Variants in NUDT6 observed in about 807,000 individuals in gnomAD.
NUDT6 encodes nudix hydrolase 6, also known as FAD diphosphatase NUDT6.
Under a neutral mutation model 36.8 loss-of-function variants are expected in NUDT6, and 24 were observed. The observed-to-expected ratio is 0.65, with a 90% CI of 0.47 to 0.92. The LOEUF (loss-of-function observed/expected upper bound fraction) is 0.92. NUDT6 is among the 40% of genes least tolerant of loss of function. The pLI is 0.00. For synonymous variants in NUDT6, 163 were observed against 157.0 expected (o/e 1.04, Z -0.29); for missense variants, 388 against 392.8 (o/e 0.99, Z 0.10).
chr4:122,902,733 C>T (rs532060053), intron 3 of NUDT6, among the ~76,000 whole-genome samples: 1 of 152,256 alleles, frequency 6.6e-6, no homozygotes, highest in East Asian at 1.9e-4. Flanking sequence ...GTTTAAGTCA[C>T]TGTTAGGTCC....
intron 4 of NUDT6, chr4:122,895,089 G>A (rs1159647421): frequency 1.3e-5 from 2 of 152,170 alleles, no homozygotes; most frequent in African/African-American, 4.8e-5. Context: ...ACTGAAAATT[G>A]AATGGGCAAA....
In NUDT6 at chr4:122,922,477, T is replaced by C; in HGVS notation, c.96A>G (p.Ala32=). 6.2e-7 allele frequency: 1 copy of C among 1,611,566 alleles called. No individual in the cohort carries two copies. Among genetic ancestry groups the C allele is most frequent in the Non-Finnish European group, 8.5e-7 (1 of 1,179,800 alleles). Reference sequence around the variant, plus strand: ...CTGGCGGATTCCGCACGTAACCCTGTGCGCCCGAGGCCCAGCGGTAACCCG... The same window carrying C: ...CTGGCGGATTCCGCACGTAACCCTGCGCGCCCGAGGCCCAGCGGTAACCCG... ...PSAGYRWASG[A]QGYVRNPPVG... is the part of the protein sequence containing the mutation. The change falls in exon 1 of 5, where the codon GCA becomes GCG. Residue 32 remains alanine, a synonymous_variant. Coordinates refer to ENST00000304430, the MANE Select transcript of NUDT6 (RefSeq NM_007083.5).
intron 3 of NUDT6, among the ~76,000 whole-genome samples, chr4:122,901,644 T>A (rs1727525913): frequency 6.6e-6 from 1 of 152,224 alleles, no homozygotes; most frequent in African/African-American, 2.4e-5. Flanking sequence ...TAAGATACTT[T>A]CTCTGTTAAA....
upstream of NUDT6, chr4:122,922,599 C>G (rs1406856600): frequency 1.3e-6 from 2 of 1,554,750 alleles, no homozygotes; most frequent in Admixed American, 1.7e-5. Context: ...TCGTCCGTTG[C>G]CCAAATGACC....
chr4:122,911,684 G>A (rs1453975281), intron 3 of NUDT6, among the ~76,000 whole-genome samples: 1 of 152,148 alleles, frequency 6.6e-6, no homozygotes. Flanking sequence ...ATATGTGGTG[G>A]GGAAAAATGT....
At position 122,917,510 on chromosome 4, in the gene NUDT6, C is replaced by T; in HGVS notation, c.433G>A (p.Gly145Arg). 2 of 1,613,994 alleles carry T rather than the reference C, an allele frequency of 1.2e-6. No homozygotes were observed. The highest frequency in any genetic ancestry group is 8.5e-7 in the Non-Finnish European group (1 of 1,179,894). ...RLPGYASHQV[G>R]VAGAVFDEST... Reference sequence around the variant, plus strand: ...TGAGTTTGAAACTGACCTGCAACTCCTACTTGATGTGAAGCATATCCTGGT... The same window carrying T: ...TGAGTTTGAAACTGACCTGCAACTCTTACTTGATGTGAAGCATATCCTGGT... Residue 145 changes from glycine to arginine, a missense_variant, in exon 2 of 5, where the codon GGA (glycine) becomes AGA (arginine). Coordinates refer to ENST00000304430, the MANE Select transcript of NUDT6 (RefSeq NM_007083.5).
At chr4:122,899,661 C>T (rs1435863261) in intron 3 of NUDT6, among the ~76,000 whole-genome samples, 1 of 152,148 alleles carries the variant, frequency 6.6e-6, no homozygotes, top group South Asian at 2.1e-4. Context: ...ATAACAACAA[C>T]ATTAAAATAC....
chr4:122,905,738 C>T (rs1560769916), intron 3 of NUDT6, among the ~76,000 whole-genome samples: 1 of 152,174 alleles, frequency 6.6e-6, no homozygotes, highest in Non-Finnish European at 1.5e-5. Context: ...TTCCTGGCTT[C>T]CACAGTTTCT....
intron 1 of NUDT6, chr4:122,918,822 T>A (rs1560775268): frequency 6.6e-6 from 1 of 152,230 alleles, no homozygotes; most frequent in Non-Finnish European, 1.5e-5. Context: ...TCTGATGACA[T>A]CTTTTAAAAA....
At chr4:122,901,242 T>C (rs760552688) in intron 3 of NUDT6, among the ~76,000 whole-genome samples, 2 of 151,684 alleles carry the variant, frequency 1.3e-5, no homozygotes, top group Non-Finnish European at 2.9e-5. Context: ...CTACAAAAGG[T>C]ATAGTAACCT....
At chr4:122,919,754 A>T (rs552244108) in intron 1 of NUDT6, 1 of 152,206 alleles carries the variant, frequency 6.6e-6, no homozygotes, top group Non-Finnish European at 1.5e-5. Flanking sequence ...ACCATTATGA[A>T]TTTAAAGACT....
intron 2 of NUDT6, among the ~76,000 whole-genome samples, chr4:122,915,469 C>CAAAAAAAAAAAAAA (rs61032259): frequency 6.4e-4 from 27 of 42,258 alleles, no homozygotes; most frequent in African/African-American, 1.7e-3. Flanking sequence ...GACCCTGCCT[C>CAAAAAAAAAAAAAA]AAAAAAAAAA....
intron 3 of NUDT6, among the ~76,000 whole-genome samples, chr4:122,907,265 G>T (rs1446797071): frequency 6.6e-6 from 1 of 151,652 alleles, no homozygotes; most frequent in East Asian, 1.9e-4. Context: ...TGAGTAGCTG[G>T]GATTACAGGC....
In NUDT6 at chr4:122,922,336, C is replaced by CT. The variant is rs1560777928; in HGVS notation, c.236dup (p.Ala80GlyfsTer11). The stretch of plus-strand genomic sequence containing the variant: ...GCCCTTCGTCCCAGGCGCACTTGCC[C>CT]TGCAAGCCCTTCTGGAAGGCGGCAG... On this transcript the variant is annotated frameshift_variant and splice_region_variant, in exon 1 of 5. Coordinates refer to ENST00000304430, the MANE Select transcript of NUDT6 (RefSeq NM_007083.5). LOFTEE classifies it high-confidence loss of function. 6.3e-7 allele frequency: 1 copy of CT among 1,598,588 alleles called. No individual in the cohort carries two copies. The highest frequency in any genetic ancestry group is 1.1e-5 in the South Asian group (1 of 90,290).
At chr4:122,909,514 A>G (rs1439432649) in intron 3 of NUDT6, among the ~76,000 whole-genome samples, 2 of 152,130 alleles carry the variant, frequency 1.3e-5, no homozygotes, top group East Asian at 3.9e-4. Context: ...TACCCCGAAA[A>G]CCTCATAAAC....
intron 2 of NUDT6, among the ~76,000 whole-genome samples, chr4:122,914,213 A>T (rs1159787754): frequency 6.6e-6 from 1 of 152,238 alleles, no homozygotes; most frequent in Non-Finnish European, 1.5e-5. Context: ...GGGGAAAAGT[A>T]ATTGAAATGC....
Position 122,905,028 on chromosome 4 carries a change from C to A in NUDT6, c.499-7350G>T, listed in dbSNP as rs529313649. 6.0e-4 allele frequency among the ~76,000 whole-genome samples: 91 copies of A among 152,320 alleles called. 1 individual carries two copies. The highest frequency in any genetic ancestry group is 9.1e-4 in the Admixed American group (14 of 15,302). On this transcript the variant is annotated intron_variant, in intron 3 of 4. Coordinates refer to ENST00000304430, the MANE Select transcript of NUDT6 (RefSeq NM_007083.5). ...GAAGAGCCAAAGAACAAAGTTTCCA[C>A]AGCATGGAAGGGGACCCCAGCGGGT...
chr4:122,901,220 G>C (rs1288868218), intron 3 of NUDT6, among the ~76,000 whole-genome samples: 1 of 152,000 alleles, frequency 6.6e-6, no homozygotes, highest in African/African-American at 2.4e-5. Flanking sequence ...AAGCATATCT[G>C]ATTTTCACAT....
intron 4 of NUDT6, 112 bp downstream of exon 4, chr4:122,897,512 G>A (rs1727398938): frequency 3.9e-6 from 3 of 769,752 alleles, no homozygotes; most frequent in Non-Finnish European, 6.8e-6. Flanking sequence ...TTCAGACTCA[G>A]TCGGAACAAA....
Sources: allele counts gnomAD v4.1 joint callset (sites outside exome capture counted in the v4.1 genomes callset), GRCh38; gene constraint gnomAD v4.1.1; transcripts MANE v1.5; gene names NCBI Gene and HGNC (gene_info 2026-07-23, HGNC 2026-07-21).